The following PARD3B variants were observed in gnomAD, a reference collection of about 807,000 sequenced individuals.
The protein encoded by PARD3B is par-3 family cell polarity regulator beta, also known as partitioning defective 3 homolog B.
In PARD3B, 103 loss-of-function variants were observed where a neutral mutation model predicts 130.2. That is an observed-to-expected ratio of 0.79 (90% confidence interval 0.67 to 0.93). The LOEUF (loss-of-function observed/expected upper bound fraction) is 0.93. Among genes scored for constraint, PARD3B ranks in the 40% least tolerant of loss-of-function variants. The pLI is 0.00. For missense variants in PARD3B, 1,609 were observed against 1,499.2 expected (o/e 1.07, Z -1.21); for synonymous variants, 583 against 553.2 (o/e 1.05, Z -0.76).
intron 1 of PARD3B, among the ~76,000 whole-genome samples, chr2:204,561,184 A>G (rs1304339814): frequency 6.6e-6 from 1 of 152,196 alleles, no homozygotes. Flanking sequence ...TAAAGATGCC[A>G]ATCTTTTGCA....
At chr2:204,849,030 A>G (rs1406198760) in intron 2 of PARD3B, among the ~76,000 whole-genome samples, 1 of 152,078 alleles carries the variant, frequency 6.6e-6, no homozygotes, top group East Asian at 1.9e-4. Context: ...GTATCATTCT[A>G]TTTCTTTGAT....
intron 2 of PARD3B, among the ~76,000 whole-genome samples, chr2:204,704,205 T>C (rs1304675203): frequency 6.6e-6 from 1 of 152,202 alleles, no homozygotes; most frequent in Non-Finnish European, 1.5e-5. Context: ...CTTTTCATCA[T>C]AACAGTATTT....
chr2:204,855,549 A>AT (rs2044895541), intron 2 of PARD3B, among the ~76,000 whole-genome samples: 8 of 137,402 alleles, frequency 5.8e-5, no homozygotes, highest in African/African-American at 6.4e-5. Context: ...TAAAAGAAAA[A>AT]AAAATATATA....
intron 4 of PARD3B, among the ~76,000 whole-genome samples, chr2:205,067,114 T>A (rs1344382313): frequency 9.3e-6 from 1 of 107,834 alleles, no homozygotes; most frequent in Non-Finnish European, 2.0e-5. Context: ...TTTTTTTTTT[T>A]TTTTTTTTTT....
chr2:205,528,040 G>A (rs1271930091), intron 21 of PARD3B, among the ~76,000 whole-genome samples: 1 of 152,180 alleles, frequency 6.6e-6, no homozygotes, highest in Non-Finnish European at 1.5e-5. Context: ...CAAACAGCCA[G>A]CTATTATAGT....
intron 19 of PARD3B, among the ~76,000 whole-genome samples, chr2:205,435,390 T>C (rs568276046): frequency 6.6e-6 from 1 of 152,086 alleles, no homozygotes; most frequent in Non-Finnish European, 1.5e-5. Flanking sequence ...AATAGCACTT[T>C]GTGTGTTTTT....
Position 205,258,554 on chromosome 2 carries a change from C to T in PARD3B, c.2185+12732C>T, listed in dbSNP as rs184155041. ...GATGTATGTAACCTACTGTCTGTTTCCCCTACCTCCAGAAGTGAGCTTCAT... is the reference window on the plus strand; with the variant it reads ...GATGTATGTAACCTACTGTCTGTTTTCCCTACCTCCAGAAGTGAGCTTCAT... On this transcript the variant is annotated intron_variant, in intron 16 of 22. Coordinates refer to ENST00000406610, the MANE Select transcript of PARD3B (RefSeq NM_001302769.2). This position sits in a 1 kb window ranked among gnomAD's most constrained non-coding sequence, Gnocchi z 4.9. Among the ~76,000 whole-genome samples the T allele has an allele frequency of 2.0e-5, 3 of 152,304 alleles. No homozygotes were observed. In the East Asian group the frequency reaches 5.8e-4, roughly 29 times the overall value.
intron 21 of PARD3B, among the ~76,000 whole-genome samples, chr2:205,500,338 GAGC>G (rs1185075367): frequency 1.3e-5 from 2 of 152,154 alleles, no homozygotes; most frequent in Non-Finnish European, 2.9e-5. Flanking sequence ...ACCATCCACT[GAGC>G]TTTGATTCTT....
At chr2:204,633,962 AG>A (rs1244691222) in intron 1 of PARD3B, among the ~76,000 whole-genome samples, 1 of 152,186 alleles carries the variant, frequency 6.6e-6, no homozygotes, top group African/African-American at 2.4e-5. Flanking sequence ...GCATCCCTTC[AG>A]GCACTTATCC....
intron 20 of PARD3B, among the ~76,000 whole-genome samples, chr2:205,457,688 C>T (rs1469927783): frequency 2.0e-5 from 3 of 151,762 alleles, no homozygotes; most frequent in Non-Finnish European, 4.4e-5. Context: ...TATGTAATTG[C>T]CAGTGATTTT....
Position 205,328,147 on chromosome 2 carries a change from A to AT in PARD3B, c.2630+26447dup, listed in dbSNP as rs138601172. On this transcript the variant is annotated intron_variant, in intron 18 of 22. Coordinates refer to ENST00000406610, the MANE Select transcript of PARD3B (RefSeq NM_001302769.2). ...TATATAGAATGATACATGGAATGCT[A>AT]TCAGTTGTCAAAACCCCCAATATTT... Among the ~76,000 whole-genome samples the AT allele has an allele frequency of 8.6e-3, 1,312 of 152,340 alleles. 12 individuals carry two copies. The highest frequency in any genetic ancestry group is 0.03 in the African/African-American group (1,260 of 41,580).
chr2:205,301,744 T>C lies in PARD3B; in HGVS notation c.2630+43T>C. 2.5e-6 allele frequency: 4 copies of C among 1,613,906 alleles called. No homozygotes were observed. The highest frequency in any genetic ancestry group is 3.4e-6 in the Non-Finnish European group (4 of 1,179,846). ...AGGCAAAGTTGGTTCTCATTTTGTC[T>C]CTCCTGGTAAAATCACTCCTTTGTC... is the stretch of plus-strand genomic sequence containing the variant. On this transcript the variant is annotated intron_variant, in intron 18 of 22. Transcript: ENST00000406610. The surrounding 1 kb of genome is among the most constrained non-coding windows in gnomAD (Gnocchi z 5.2).
chr2:205,424,763 C>A (rs372836158), intron 19 of PARD3B, among the ~76,000 whole-genome samples: 2 of 152,098 alleles, frequency 1.3e-5, no homozygotes, highest in African/African-American at 4.8e-5. Context: ...TCATTCTTTT[C>A]CAGATAATGA....
chr2:204,913,742 A>C (rs1361122499), intron 2 of PARD3B, among the ~76,000 whole-genome samples: 1 of 152,188 alleles, frequency 6.6e-6, no homozygotes, highest in African/African-American at 2.4e-5. Flanking sequence ...CATATTGGTA[A>C]TTTGTGATTA....
At chr2:204,871,884 C>A (rs1164984583) in intron 2 of PARD3B, among the ~76,000 whole-genome samples, 1 of 152,040 alleles carries the variant, frequency 6.6e-6, no homozygotes, top group African/African-American at 2.4e-5. Context: ...AATTTTAAAG[C>A]TTTCTTGTCC....
At chr2:204,634,608 C>G (rs2034805693) in intron 1 of PARD3B, among the ~76,000 whole-genome samples, 1 of 152,092 alleles carries the variant, frequency 6.6e-6, no homozygotes, top group East Asian at 1.9e-4. Context: ...TCTCATTCTC[C>G]AGAGTCTGTA....
intron 1 of PARD3B, among the ~76,000 whole-genome samples, chr2:204,665,757 A>G (rs1446940383): frequency 6.6e-6 from 1 of 152,202 alleles, no homozygotes; most frequent in Non-Finnish European, 1.5e-5. Context: ...CTGTGGTTGC[A>G]AGAAACTAGA....
At chr2:205,109,197 G>A (rs377623829) in intron 5 of PARD3B, among the ~76,000 whole-genome samples, 4 of 152,162 alleles carry the variant, frequency 2.6e-5, no homozygotes, top group East Asian at 3.9e-4. Flanking sequence ...CAGTACATTT[G>A]CATCCTCAAG....
chr2:204,947,053 A>C (rs1689384733), intron 2 of PARD3B, among the ~76,000 whole-genome samples: 2 of 152,118 alleles, frequency 1.3e-5, no homozygotes, highest in East Asian at 1.9e-4. Context: ...TACTCAGCCT[A>C]CTGACTCAAA....
Sources: gnomAD v4.1 joint callset for allele counts (sites outside exome capture counted in the v4.1 genomes callset) on GRCh38, gnomAD v4.1.1 for gene constraint, Gnocchi (gnomAD v3.1) non-coding constraint, MANE v1.5 for transcripts, NCBI Gene and HGNC (gene_info 2026-07-23, HGNC 2026-07-21) for gene names.